RNGTT: variants seen among roughly 807,000 people sequenced by gnomAD.
The protein encoded by RNGTT is mRNA-capping enzyme.
Under a neutral mutation model 79.3 loss-of-function variants are expected in RNGTT, and 33 were observed. The ratio of observed to expected loss-of-function variants is 0.42; its 90% CI spans 0.32 to 0.56. The LOEUF (loss-of-function observed/expected upper bound fraction) is 0.56, where lower values mean the gene tolerates loss of function less well. Among genes scored for constraint, RNGTT ranks in the 20% least tolerant of loss-of-function variants. RNGTT has a pLI of 0.17. For synonymous variants in RNGTT, 222 were observed against 235.9 expected, an observed-to-expected ratio of 0.94 and a Z score of 0.54; for missense variants, 497 against 739.1, an observed-to-expected ratio of 0.67 and a Z score of 3.80.
chr6:88,869,553 T>C (rs113584350), intron 8 of RNGTT, among the ~76,000 whole-genome samples: 1 of 152,098 alleles, frequency 6.6e-6, no homozygotes, highest in African/African-American at 2.4e-5. Flanking sequence ...TACAGGGTTA[T>C]AGGCAGTTGG....
chr6:88,917,562 T>C (rs550207488), intron 4 of RNGTT, among the ~76,000 whole-genome samples: 3 of 152,330 alleles, frequency 2.0e-5, no homozygotes, highest in East Asian at 1.9e-4. Flanking sequence ...ATTTTAAGCA[T>C]GGCAATAAAA....
chr6:88,632,572 C>CACAA (rs1263409077), intron 14 of RNGTT, among the ~76,000 whole-genome samples: 3 of 150,220 alleles, frequency 2.0e-5, no homozygotes, highest in Non-Finnish European at 4.4e-5. Flanking sequence ...CACACACACA[C>CACAA]ACACACACGT....
At chr6:88,687,593 G>A (rs187673778) in intron 13 of RNGTT, among the ~76,000 whole-genome samples, 14 of 152,086 alleles carry the variant, frequency 9.2e-5, no homozygotes, top group East Asian at 1.9e-4. Flanking sequence ...AATATGCAGC[G>A]GTAAAAAATG....
intron 6 of RNGTT, among the ~76,000 whole-genome samples, chr6:88,893,104 T>C (rs1474432254): frequency 6.6e-6 from 1 of 152,026 alleles, no homozygotes; most frequent in Non-Finnish European, 1.5e-5. Context: ...ATTTTTATCA[T>C]TAAGTACAAC....
intron 10 of RNGTT, among the ~76,000 whole-genome samples, chr6:88,849,172 T>TA (rs1781584788): frequency 6.6e-6 from 1 of 152,008 alleles, no homozygotes; most frequent in Non-Finnish European, 1.5e-5. Flanking sequence ...AAGCAGTACT[T>TA]ATGAGGAATA....
chr6:88,641,718 CCA>C (rs1017794666), intron 14 of RNGTT, among the ~76,000 whole-genome samples: 2 of 152,146 alleles, frequency 1.3e-5, no homozygotes, highest in African/African-American at 2.4e-5. Flanking sequence ...CCAGCTGCTG[CCA>C]CAGTGAAGAA....
At chr6:88,791,381 C>T (rs185899782) in intron 12 of RNGTT, among the ~76,000 whole-genome samples, 13 of 151,946 alleles carry the variant, frequency 8.6e-5, no homozygotes, top group East Asian at 7.7e-4. Flanking sequence ...TCAAGTGATC[C>T]GCCCACCTCG....
chr6:88,712,102 T>C (rs1184273072), intron 13 of RNGTT, among the ~76,000 whole-genome samples: 2 of 152,168 alleles, frequency 1.3e-5, no homozygotes, highest in African/African-American at 4.8e-5. Context: ...GGTCACATGT[T>C]GATCTTTCCT....
intron 13 of RNGTT, among the ~76,000 whole-genome samples, chr6:88,740,464 A>T (rs561186538): frequency 3.0e-4 from 45 of 152,242 alleles, no homozygotes; most frequent in Admixed American, 6.5e-4. Flanking sequence ...GGCTGCAGTG[A>T]GCTGTGATCA....
At position 88,955,485 on chromosome 6, in the gene RNGTT, G is replaced by A. The variant is rs183945198; in HGVS notation, c.64+7861C>T. Among the ~76,000 whole-genome samples, 205 of 150,970 alleles carry A rather than the reference G, an allele frequency of 1.4e-3. 1 individual carries two copies. Among genetic ancestry groups the A allele is most frequent in the African/African-American group, 4.9e-3 (200 of 40,902 alleles). On this transcript the variant is annotated intron_variant, in intron 1 of 15. Transcript: ENST00000369485. ...GAATCGCTTGAACAGAAGAGGCGGA[G>A]GTTGCAGTGAGCCAAGATCGTACCA... is the stretch of plus-strand genomic sequence containing the variant.
rs1418407747 is a variant in RNGTT at position 88,904,750 on chromosome 6, A to C, written c.649T>G (p.Ser217Ala). 1.2e-6 allele frequency: 2 copies of C among 1,613,858 alleles called. No individual in the cohort carries two copies. Among genetic ancestry groups the C allele is most frequent in the East Asian group, 2.2e-5 (1 of 44,876 alleles). The change falls in exon 6 of 16, where the codon TCT becomes GCT. Residue 217 changes from serine (S) to alanine (A), a missense_variant. Physicochemically the swap from Ser to Ala is moderately conservative, Grantham distance 99. Coordinates refer to ENST00000369485, the MANE Select transcript of RNGTT (RefSeq NM_003800.5). ...KKESEPGSSA[S>A]FGKRRKERLK... is the part of the protein sequence containing the mutation. ...CGTTCTTTTCTCCTTTTGCCAAAAGAAGCACTTGACCCGGGTTCTGATTCC... is the reference window on the plus strand; with the variant it reads ...CGTTCTTTTCTCCTTTTGCCAAAAGCAGCACTTGACCCGGGTTCTGATTCC...
intron 8 of RNGTT, among the ~76,000 whole-genome samples, chr6:88,883,352 T>C (rs1182554065): frequency 6.6e-6 from 1 of 152,028 alleles, no homozygotes; most frequent in African/African-American, 2.4e-5. Flanking sequence ...ACCATATATT[T>C]CTCATCTCAA....
intron 4 of RNGTT, among the ~76,000 whole-genome samples, chr6:88,916,116 T>C (rs911465046): frequency 1.3e-5 from 2 of 152,196 alleles, no homozygotes; most frequent in Non-Finnish European, 2.9e-5. Context: ...CCGTATCAAG[T>C]GTTCCTGAGG....
intron 6 of RNGTT, among the ~76,000 whole-genome samples, chr6:88,900,952 G>A (rs529345244): frequency 6.6e-6 from 1 of 151,932 alleles, no homozygotes; most frequent in East Asian, 1.9e-4. Flanking sequence ...GACCAACTTG[G>A]CCAACATGGT....
chr6:88,809,681 A>G (rs1485479839), intron 11 of RNGTT, among the ~76,000 whole-genome samples: 1 of 152,214 alleles, frequency 6.6e-6, no homozygotes, highest in Non-Finnish European at 1.5e-5. Flanking sequence ...ACAAAAACAG[A>G]GTAGATTAAT....
At chr6:88,867,328 C>T (rs1782205614) in intron 8 of RNGTT, among the ~76,000 whole-genome samples, 1 of 151,746 alleles carries the variant, frequency 6.6e-6, no homozygotes, top group African/African-American at 2.4e-5. Flanking sequence ...ACTAAAAATA[C>T]AAAAATTAGC....
intron 14 of RNGTT, among the ~76,000 whole-genome samples, chr6:88,644,811 G>A (rs1255644755): frequency 1.3e-5 from 2 of 152,196 alleles, no homozygotes; most frequent in South Asian, 2.1e-4. Context: ...AGCGCTTCAT[G>A]CTAAAAATTC....
chr6:88,843,961 T>C (rs1781401740), intron 11 of RNGTT, among the ~76,000 whole-genome samples: 2 of 150,828 alleles, frequency 1.3e-5, no homozygotes, highest in South Asian at 2.1e-4. Flanking sequence ...TATATATATA[T>C]ACATACACAT....
At position 88,963,591 on chromosome 6, in the gene RNGTT, T is replaced by C; in HGVS notation, c.-182A>G. The C allele has an allele frequency of 1.9e-6, 1 of 539,688 alleles. No individual in the cohort carries two copies. Among genetic ancestry groups the C allele is most frequent in the Non-Finnish European group, 3.2e-6 (1 of 313,562 alleles). 33.4% of individuals were successfully genotyped at this position (539,688 alleles called of 1,614,324 possible). On this transcript the variant is annotated 5_prime_UTR_variant, in exon 1 of 16. Transcript: ENST00000369485. Reference sequence around the variant, plus strand: ...CGCGCCACTTTCATTCAGGATCAACTCCACAGCTCCAGGAGAACCCACAAT... The same window carrying C: ...CGCGCCACTTTCATTCAGGATCAACCCCACAGCTCCAGGAGAACCCACAAT...
Sources: gnomAD v4.1 joint callset for allele counts (sites outside exome capture counted in the v4.1 genomes callset) on GRCh38, gnomAD v4.1.1 for gene constraint, MANE v1.5 for transcripts, NCBI Gene and HGNC (gene_info 2026-07-23, HGNC 2026-07-21) for gene names.